Variants in TET2 observed in about 807,000 individuals in gnomAD.
The protein encoded by TET2 is methylcytosine dioxygenase TET2.
Under a neutral mutation model 142.9 loss-of-function variants are expected in TET2, and 299 were observed. That is an observed-to-expected ratio of 2.09 (90% CI 1.90 to 2.30). The LOEUF is 2.30. Among genes scored for constraint, TET2 ranks in the 30% most tolerant of loss-of-function variants. The pLI, the probability that TET2 is intolerant of heterozygous loss-of-function variation, is 0.00. For missense variants in TET2, 2,418 were observed against 2,378.0 expected (o/e 1.02, Z -0.35); for synonymous variants, 819 against 849.0 (o/e 0.96, Z 0.61).
chr4:105,276,095 T>C lies in TET2; in HGVS notation c.5585T>C (p.Val1862Ala). Residue 1862 changes from valine (V) to alanine (A), a missense_variant, in exon 11 of 11, where the codon GTG (valine) becomes GCG (alanine). By Grantham distance (64) the Val-to-Ala change is moderately conservative. Coordinates refer to ENST00000380013, the MANE Select transcript of TET2 (RefSeq NM_001127208.3). ...TTTCTGGATCCTGACATTGGGGGAGTGGCCGTGGCTCCAACTCATGGGTCA... is the reference window on the plus strand; with the variant it reads ...TTTCTGGATCCTGACATTGGGGGAGCGGCCGTGGCTCCAACTCATGGGTCA... Reference protein sequence around the residue: ...QSFLDPDIGGVAVAPTHGSIL... With the variant: ...QSFLDPDIGGAAVAPTHGSIL... 1 of 1,551,382 alleles carries C rather than the reference T, an allele frequency of 6.4e-7. No homozygotes were observed. Among genetic ancestry groups the C allele is most frequent in the South Asian group, 1.2e-5 (1 of 84,032 alleles).
rs150244219 is a variant in TET2, at chr4:105,248,392, A to G, written c.3803+4614A>G. Among the ~76,000 whole-genome samples the G allele has an allele frequency of 2.0e-3, 311 of 152,332 alleles. 1 individual carries two copies. Among genetic ancestry groups the G allele is most frequent in the African/African-American group, 7.3e-3 (302 of 41,584 alleles). On this transcript the variant is annotated intron_variant, in intron 6 of 10. Transcript: ENST00000380013. ...GAATAACTGACCTAATTTTTACTTT[A>G]AAAATATTTTACAATTAGAAGTCCA...
chr4:105,253,309 A>G (rs549582583), intron 6 of TET2, among the ~76,000 whole-genome samples: 1 of 152,242 alleles, frequency 6.6e-6, no homozygotes, highest in East Asian at 1.9e-4. Context: ...ACATCTTCCT[A>G]TCCATGAACA....
Position 105,235,763 on chromosome 4 carries a change from A to G in TET2, c.1821A>G (p.Gly607=), listed in dbSNP as rs1205023035. The change falls in exon 3 of 11, where the codon GGA becomes GGG. Residue 607 remains glycine, a synonymous_variant. Transcript: ENST00000380013. ...AAATGACCTCCAAACAATACACTGGAAATTCCAACATGCCTGGGGGGCTCC... is the reference window on the plus strand; with the variant it reads ...AAATGACCTCCAAACAATACACTGGGAATTCCAACATGCCTGGGGGGCTCC... ...SNQMTSKQYT[G]NSNMPGGLPR... is the part of the protein sequence containing the mutation. 2 of 1,614,058 alleles carry G rather than the reference A, an allele frequency of 1.2e-6. No homozygotes were observed. Among genetic ancestry groups the G allele is most frequent in the African/African-American group, 1.3e-5 (1 of 74,934 alleles).
At chr4:105,198,197 GT>G (rs1726204420) in intron 2 of TET2, among the ~76,000 whole-genome samples, 2 of 152,082 alleles carry the variant, frequency 1.3e-5, no homozygotes, top group South Asian at 4.1e-4. Flanking sequence ...TTAGCTGGGG[GT>G]GGTGGTGCAT....
rs186137245 is a variant in TET2, at chr4:105,225,140, G to A, written c.-46-8757G>A. Among the ~76,000 whole-genome samples, 151 of 149,944 alleles carry A rather than the reference G, an allele frequency of 1.0e-3. 1 individual carries two copies. Among genetic ancestry groups the A allele is most frequent in the Middle Eastern group, 3.4e-3 (1 of 292 alleles). ...TTTAATTCACTTTGTTGCCTTTTTG[G>A]TAAACCTATGAAGAAATCTCATGCT... On this transcript the variant is annotated intron_variant, in intron 2 of 10. Transcript: ENST00000380013.
At position 105,235,481 on chromosome 4, in the gene TET2, GCAT is replaced by G. The variant is rs745455191; in HGVS notation, c.1540_1542del (p.His514del). 1 of 1,614,016 alleles carries G rather than the reference GCAT, an allele frequency of 6.2e-7. No individual in the cohort carries two copies. Among genetic ancestry groups the G allele is most frequent in the African/African-American group, 1.3e-5 (1 of 74,906 alleles). Reference sequence around the variant, plus strand: ...CAAGACCAATGTCAGAACACCTCAAGCATAACCCACCAATTTTTGGTAGCAGTG... The same window carrying G: ...CAAGACCAATGTCAGAACACCTCAAGAACCCACCAATTTTTGGTAGCAGTG... On this transcript the variant is annotated inframe_deletion, in exon 3 of 11. Coordinates refer to ENST00000380013, the MANE Select transcript of TET2 (RefSeq NM_001127208.3).
At position 105,276,149 on chromosome 4, in the gene TET2, T is replaced by C; in HGVS notation, c.5639T>C (p.Leu1880Pro). The C allele has an allele frequency of 6.4e-7, 1 of 1,551,642 alleles. No homozygotes were observed. Among genetic ancestry groups the C allele is most frequent in the Non-Finnish European group, 8.7e-7 (1 of 1,146,980 alleles). Residue 1880 changes from leucine (L) to proline (P), a missense_variant, in exon 11 of 11, where the codon CTG (leucine) becomes CCG (proline). Transcript: ENST00000380013. Reference sequence around the variant, plus strand: ...CTCATTGAGTGTGCAAAGCGTGAGCTGCATGCCACAACCCCTTTAAAGAAT... The same window carrying C: ...CTCATTGAGTGTGCAAAGCGTGAGCCGCATGCCACAACCCCTTTAAAGAAT... Reference protein sequence around the residue: ...SILIECAKRELHATTPLKNPN... With the variant: ...SILIECAKREPHATTPLKNPN...
intron 1 of TET2, chr4:105,147,922 T>C (rs1723112801): frequency 6.6e-6 from 1 of 152,072 alleles, no homozygotes; most frequent in Non-Finnish European, 1.5e-5. Context: ...TGAAACCCAA[T>C]CCCAGCAAAG....
At chr4:105,228,585 A>G (rs1728317762) in intron 2 of TET2, among the ~76,000 whole-genome samples, 1 of 152,172 alleles carries the variant, frequency 6.6e-6, no homozygotes, top group African/African-American at 2.4e-5. Context: ...CTTAGAAAGT[A>G]GAAAAACATG....
chr4:105,216,717 A>G (rs1727518158), intron 2 of TET2, among the ~76,000 whole-genome samples: 1 of 152,064 alleles, frequency 6.6e-6, no homozygotes, highest in Non-Finnish European at 1.5e-5. Flanking sequence ...GAAAAATGCC[A>G]TAAACTTGGA....
chr4:105,259,548 A>C (rs1578716233), intron 6 of TET2, 71 bp from the exon 7 acceptor site: 2 of 1,418,476 alleles, frequency 1.4e-6, no homozygotes, highest in East Asian at 5.0e-5. Context: ...GCATATAGAC[A>C]CCTATAATAT....
intron 3 of TET2, chr4:105,241,118 T>C: frequency 1.8e-6 from 2 of 1,126,430 alleles, no homozygotes; most frequent in Non-Finnish European, 2.3e-6. Flanking sequence ...ATATCTGAAA[T>C]GTAATATATT....
chr4:105,157,939 AGTGC>A, intron 1 of TET2, among the ~76,000 whole-genome samples: 1 of 152,296 alleles, frequency 6.6e-6, no homozygotes, highest in East Asian at 1.9e-4. Context: ...TGCTTCCTAA[AGTGC>A]TGGGATTACA....
At chr4:105,160,581 A>G (rs1436856627) in intron 1 of TET2, among the ~76,000 whole-genome samples, 1 of 152,252 alleles carries the variant, frequency 6.6e-6, no homozygotes, top group Non-Finnish European at 1.5e-5. Context: ...TAGTAATTGA[A>G]AAGTTAGCTC....
intron 1 of TET2, among the ~76,000 whole-genome samples, chr4:105,156,369 T>C (rs1319587090): frequency 6.6e-6 from 1 of 152,216 alleles, no homozygotes; most frequent in Non-Finnish European, 1.5e-5. Flanking sequence ...GTCTGACATT[T>C]AGGTATGCCA....
intron 1 of TET2, among the ~76,000 whole-genome samples, chr4:105,169,639 C>T (rs1219825102): frequency 6.6e-6 from 1 of 152,154 alleles, no homozygotes; most frequent in East Asian, 1.9e-4. Flanking sequence ...GGTTCTTGGT[C>T]ATGAAGTCTT....
chr4:105,261,641 G>T, intron 7 of TET2, 118 bp from the exon 8 acceptor site: 3 of 529,228 alleles, frequency 5.7e-6, no homozygotes. Flanking sequence ...TAGTAATAAA[G>T]GCACCATATA....
intron 2 of TET2, among the ~76,000 whole-genome samples, chr4:105,198,859 A>C (rs1157143424): frequency 9.2e-5 from 14 of 152,212 alleles, no homozygotes; most frequent in Admixed American, 9.2e-4. Flanking sequence ...TGATAGTCTC[A>C]TTTGCGAAGT....
At chr4:105,247,841 C>T (rs892881213) in intron 6 of TET2, among the ~76,000 whole-genome samples, 9 of 151,330 alleles carry the variant, frequency 5.9e-5, no homozygotes, top group Non-Finnish European at 1.3e-4. Context: ...CATGCCTCAG[C>T]CTCCTGAGTA....
Sources: allele counts gnomAD v4.1 joint callset (sites outside exome capture counted in the v4.1 genomes callset), GRCh38; gene constraint gnomAD v4.1.1; transcripts MANE v1.5; gene names NCBI Gene and HGNC (gene_info 2026-07-23, HGNC 2026-07-21).